CD164: variants seen among roughly 807,000 people sequenced by gnomAD.
CD164 encodes CD164 molecule.
In CD164, 11 loss-of-function variants were observed where a neutral mutation model predicts 24.6. That is an observed-to-expected ratio of 0.45 (90% CI 0.28 to 0.74). CD164 has a LOEUF of 0.74. Among genes scored for constraint, CD164 ranks in the 30% least tolerant of loss-of-function variants. The pLI is 0.13. For missense variants in CD164, 295 were observed against 243.7 expected (o/e 1.21, Z -1.40); for synonymous variants, 126 against 100.3 (o/e 1.26, Z -1.53).
At chr6:109,378,055 A>G in intron 2 of CD164, 84 bp from the exon 3 acceptor site, 2 of 1,180,240 alleles carry the variant, frequency 1.7e-6, no homozygotes, top group South Asian at 2.5e-5. Context: ...GCTCTATGAA[A>G]TCAAACCCAA....
At chr6:109,379,544 T>C (rs781658688) in intron 2 of CD164, 35 bp downstream of exon 2, 3 of 1,433,414 alleles carry the variant, frequency 2.1e-6, no homozygotes, top group Admixed American at 1.8e-5. Context: ...TAAAATGCTA[T>C]AACAAAACAG....
At position 109,376,170 on chromosome 6, in the gene CD164, A is replaced by C. The variant is rs1163174225; in HGVS notation, c.332-58T>G. 12 of 1,239,458 alleles carry C rather than the reference A, an allele frequency of 9.7e-6. No individual in the cohort carries two copies. In the Admixed American group the frequency reaches 1.7e-4, roughly 17 times the overall value. The allele number at this position is 1,239,458 out of a possible 1,614,324, so 76.8% of individuals were successfully genotyped here. A position where few individuals can be genotyped will look rare whatever the true frequency, so the allele number is the denominator to read the frequency against. On this transcript the variant is annotated intron_variant, in intron 3 of 5. Coordinates refer to ENST00000310786, the MANE Select transcript of CD164 (RefSeq NM_006016.6). ...CATCAAAGCTATTTAAAATATCACA[A>C]TCTATAACGCTAGTTCCTGACCTGC...
At chr6:109,382,163 T>C (rs1253972776) in intron 1 of CD164, 41 bp downstream of exon 1, 4 of 1,447,678 alleles carry the variant, frequency 2.8e-6, no homozygotes, top group Non-Finnish European at 3.6e-6. Flanking sequence ...GCGGCTCGGC[T>C]GGGCAGGGGA....
Position 109,382,145 on chromosome 6 carries a change from G to A in CD164, c.175+59C>T, listed in dbSNP as rs1191079217. ...ACCCGGGCCCCGCCCGCACGGCGAG[G>A]AGGCAGTGCGGCTCGGCTGGGCAGG... On this transcript the variant is annotated intron_variant, in intron 1 of 5. Transcript: ENST00000310786. 19 of 1,330,474 alleles carry A rather than the reference G, an allele frequency of 1.4e-5. No homozygotes were observed. In the African/African-American group the frequency reaches 2.3e-4, roughly 16 times the overall value. 82.4% of individuals were successfully genotyped at this position (1,330,474 alleles called of 1,614,324 possible).
Position 109,377,371 on chromosome 6 carries a change from T to C in CD164, c.331+529A>G, listed in dbSNP as rs536125516. 3.9e-5 allele frequency among the ~76,000 whole-genome samples: 6 copies of C among 152,294 alleles called. No individual in the cohort carries two copies. In the South Asian group the frequency reaches 1.2e-3, roughly 32 times the overall value. On this transcript the variant is annotated intron_variant, in intron 3 of 5. Coordinates refer to ENST00000310786, the MANE Select transcript of CD164 (RefSeq NM_006016.6). ...ATATGCCTTTCCCACTGATTTACAA[T>C]CTCATTGGAAAAATCAGCAGCTTCA... is the stretch of plus-strand genomic sequence containing the variant.
intron 1 of CD164, chr6:109,381,431 G>A: frequency 1.4e-6 from 1 of 689,690 alleles, no homozygotes; most frequent in Non-Finnish European, 2.6e-6. Flanking sequence ...ATTGAAAAAA[G>A]AATAAACATA....
intron 4 of CD164, 140 bp downstream of exon 4, chr6:109,375,934 T>C (rs575819454): frequency 2.3e-5 from 15 of 641,620 alleles, no homozygotes; most frequent in South Asian, 1.2e-4. Context: ...TTAACGTTAA[T>C]TGCTGTGGTC....
chr6:109,382,038 G>A (rs11963133), intron 1 of CD164, 166 bp downstream of exon 1: 9 of 513,230 alleles, frequency 1.8e-5, no homozygotes, highest in African/African-American at 2.0e-5. Flanking sequence ...GCCCGGCCAC[G>A]AGTGGACTCC....
chr6:109,378,285 G>A (rs1771533004), intron 2 of CD164, among the ~76,000 whole-genome samples: 1 of 152,084 alleles, frequency 6.6e-6, no homozygotes, highest in Non-Finnish European at 1.5e-5. Context: ...ATCAAGAAAG[G>A]CAGCCATCAT....
At chr6:109,379,725 G>A (rs1465569003) in intron 1 of CD164, 63 bp from the exon 2 acceptor site, 12 of 1,220,082 alleles carry the variant, frequency 9.8e-6, no homozygotes, top group East Asian at 2.3e-5. Flanking sequence ...ATTTGAATCT[G>A]TATTACTTAT....
At position 109,368,625 on chromosome 6, in the gene CD164, G is replaced by A. The variant is rs1770902852; in HGVS notation, c.*226C>T. 1 of 1,350,184 alleles carries A rather than the reference G, an allele frequency of 7.4e-7. No homozygotes were observed. Among genetic ancestry groups the A allele is most frequent in the Non-Finnish European group, 9.5e-7 (1 of 1,057,010 alleles). The allele number at this position is 1,350,184 out of a possible 1,614,324, so 83.6% of individuals were successfully genotyped here. ...CCACAGCAGCAGCTATTTAAAATAA[G>A]ACAGCCACAGGATTCATGCAGAATA... On this transcript the variant is annotated 3_prime_UTR_variant, in exon 6 of 6. Transcript: ENST00000310786.
intron 4 of CD164, 102 bp from the exon 5 acceptor site, chr6:109,370,569 C>A: frequency 9.2e-7 from 1 of 1,085,258 alleles, no homozygotes; most frequent in Non-Finnish European, 1.3e-6. Context: ...AACATGCTTT[C>A]AATTTTTTAG....
Position 109,382,346 on chromosome 6 carries a change from G to C in CD164, c.33C>G (p.Ala11=), listed in dbSNP as rs149436211. 1.7e-5 allele frequency: 27 copies of C among 1,563,272 alleles called. No individual in the cohort carries two copies. The highest frequency in any genetic ancestry group is 2.2e-5 in the Non-Finnish European group (25 of 1,160,004). MSRLSRSLLW[A]ATCLGVLCVL... The stretch of plus-strand genomic sequence containing the variant: ...CGCAGAGCACGCCCAGGCAGGTGGC[G>C]GCCCAAAGCAGTGAGCGGGAGAGCC... Residue 11 remains alanine, a synonymous_variant, in exon 1 of 6, where the codon GCC becomes GCG. Coordinates refer to ENST00000310786, the MANE Select transcript of CD164 (RefSeq NM_006016.6).
At chr6:109,376,180 C>T in intron 3 of CD164, 68 bp from the exon 4 acceptor site, 1 of 1,119,556 alleles carries the variant, frequency 8.9e-7, no homozygotes, top group Non-Finnish European at 1.2e-6. Context: ...ATCTATAACG[C>T]TAGTTCCTGA....
chr6:109,381,259 G>T (rs911586369), intron 1 of CD164, among the ~76,000 whole-genome samples: 1 of 152,116 alleles, frequency 6.6e-6, no homozygotes, highest in Non-Finnish European at 1.5e-5. Context: ...GCTTTAAAAT[G>T]TATGTATGCC....
intron 4 of CD164, among the ~76,000 whole-genome samples, chr6:109,375,454 T>C (rs568983748): frequency 3.3e-5 from 5 of 151,576 alleles, no homozygotes; most frequent in Admixed American, 2.0e-4. Context: ...GTGACTCTAC[T>C]AAAAAAACAA....
At chr6:109,369,132 T>G in intron 5 of CD164, 115 bp from the exon 6 acceptor site, 3 of 871,672 alleles carry the variant, frequency 3.4e-6, no homozygotes, top group South Asian at 3.4e-5. Flanking sequence ...AAGTATTTCC[T>G]CAAGTCTTTA....
At chr6:109,379,932 A>C in intron 1 of CD164, 1 of 275,646 alleles carries the variant, frequency 3.6e-6, no homozygotes, top group Non-Finnish European at 6.8e-6. Flanking sequence ...CAGGACAACT[A>C]TTGGAAGACA....
intron 1 of CD164, chr6:109,381,553 G>A (rs1771746908): frequency 1.4e-6 from 1 of 702,496 alleles, no homozygotes. Flanking sequence ...GTACATACAT[G>A]GGTACTTTTC....
Sources: allele counts gnomAD v4.1 joint callset (sites outside exome capture counted in the v4.1 genomes callset), GRCh38; gene constraint gnomAD v4.1.1; transcripts MANE v1.5; gene names NCBI Gene and HGNC (gene_info 2026-07-23, HGNC 2026-07-21).